SMARCC1: variants seen among roughly 807,000 people sequenced by gnomAD.
The protein encoded by SMARCC1 is SWI/SNF related BAF chromatin remodeling complex subunit C1, also known as SWI/SNF complex subunit SMARCC1.
SMARCC1 carries 43 observed loss-of-function variants against 147.4 expected under a neutral mutation model. The ratio of observed to expected loss-of-function variants is 0.29; its 90% CI spans 0.23 to 0.38. The LOEUF (loss-of-function observed/expected upper bound fraction) is 0.38. SMARCC1 is among the 10% of genes least tolerant of loss of function. SMARCC1 has a pLI of 1.00. For missense variants in SMARCC1, 1,119 were observed against 1,381.1 expected (o/e 0.81, Z 3.01); for synonymous variants, 495 against 484.4 (o/e 1.02, Z -0.29).
chr3:47,659,795 C>A, intron 21 of SMARCC1, among the ~76,000 whole-genome samples: 1 of 137,324 alleles, frequency 7.3e-6, no homozygotes, highest in Non-Finnish European at 1.5e-5. Context: ...AGGTATTTCC[C>A]AAGGCAGACA....
intron 11 of SMARCC1, among the ~76,000 whole-genome samples, chr3:47,699,713 T>C (rs2033895537): frequency 6.6e-6 from 1 of 152,160 alleles, no homozygotes; most frequent in African/African-American, 2.4e-5. Context: ...TATCAATTGC[T>C]CTGTGTTTAG....
intron 21 of SMARCC1, among the ~76,000 whole-genome samples, chr3:47,649,073 C>G (rs2033155112): frequency 6.6e-6 from 1 of 152,152 alleles, no homozygotes; most frequent in African/African-American, 2.4e-5. Context: ...ATGAGCTATT[C>G]AGAAGTTTGA....
rs1486802453 is a variant in SMARCC1, at chr3:47,775,450, G to A, written c.196-2514C>T. On this transcript the variant is annotated intron_variant, in intron 1 of 27. Coordinates refer to ENST00000254480, the MANE Select transcript of SMARCC1 (RefSeq NM_003074.4). ...GCTGGGATTACAGGTGTGAGCCACC[G>A]CGCCCAGCCCCGTAAATTTTTAATA... is the stretch of plus-strand genomic sequence containing the variant. Among the ~76,000 whole-genome samples, 4 of 145,666 alleles carry A rather than the reference G, an allele frequency of 2.7e-5. No individual in the cohort carries two copies. In the East Asian group the frequency reaches 6.6e-4, roughly 24 times the overall value.
At chr3:47,653,940 T>G (rs572247539) in intron 21 of SMARCC1, among the ~76,000 whole-genome samples, 23 of 152,304 alleles carry the variant, frequency 1.5e-4, no homozygotes, top group African/African-American at 5.1e-4. Flanking sequence ...AACCTCTGCA[T>G]GCTCCACAAA....
intron 21 of SMARCC1, among the ~76,000 whole-genome samples, chr3:47,656,836 C>T (rs1377788459): frequency 6.6e-6 from 1 of 152,066 alleles, no homozygotes; most frequent in Non-Finnish European, 1.5e-5. Context: ...ATCACTTGAG[C>T]CCAGGAGGTG....
At chr3:47,721,414 T>C (rs944317601) in intron 6 of SMARCC1, among the ~76,000 whole-genome samples, 8 of 152,184 alleles carry the variant, frequency 5.3e-5, no homozygotes, top group African/African-American at 1.9e-4. Flanking sequence ...AGTATTCTAA[T>C]CACAGTTAAA....
chr3:47,701,629 C>T (rs1467946177), intron 10 of SMARCC1: 1 of 455,184 alleles, frequency 2.2e-6, no homozygotes, highest in East Asian at 4.5e-5. Context: ...GCCTGACCAA[C>T]ATAGCGAATC....
At chr3:47,757,762 C>T (rs143779799) in intron 2 of SMARCC1, among the ~76,000 whole-genome samples, 1,502 of 140,330 alleles carry the variant, frequency 0.011, 23 homozygotes, top group African/African-American at 0.038. Context: ...CCAGCCTGGG[C>T]GACAAAGCGA....
At chr3:47,649,997 C>T (rs969647871) in intron 21 of SMARCC1, among the ~76,000 whole-genome samples, 17 of 152,306 alleles carry the variant, frequency 1.1e-4, no homozygotes, top group Admixed American at 1.1e-3. Flanking sequence ...ATAATTCAGG[C>T]CGGGCTTGGT....
chr3:47,646,591 T>C (rs910264546), intron 21 of SMARCC1, among the ~76,000 whole-genome samples: 1 of 152,238 alleles, frequency 6.6e-6, no homozygotes, highest in South Asian at 2.1e-4. Flanking sequence ...GAGAGGCATA[T>C]TGGAGAAGAG....
intron 2 of SMARCC1, among the ~76,000 whole-genome samples, chr3:47,747,370 A>C (rs998588158): frequency 1.0e-4 from 15 of 150,610 alleles, no homozygotes; most frequent in African/African-American, 3.4e-4. Flanking sequence ...CTAGGAGGCA[A>C]AGGTTGCAGT....
intron 16 of SMARCC1, among the ~76,000 whole-genome samples, chr3:47,677,402 T>A (rs1018354674): frequency 4.0e-5 from 1 of 24,694 alleles, no homozygotes; most frequent in Non-Finnish European, 1.5e-4. Flanking sequence ...TGCCTGGCCG[T>A]TTTTTTTTTT....
intron 26 of SMARCC1, among the ~76,000 whole-genome samples, chr3:47,606,397 G>C (rs973030648): frequency 6.6e-6 from 1 of 152,266 alleles, no homozygotes; most frequent in East Asian, 1.9e-4. Flanking sequence ...AAAGCTATGC[G>C]GCCTTGCCAT....
At chr3:47,680,371 T>C (rs2033627891) in intron 15 of SMARCC1, 66 bp downstream of exon 15, 1 of 1,048,210 alleles carries the variant, frequency 9.5e-7, no homozygotes, top group Non-Finnish European at 1.5e-6. Context: ...GGAACTCAGG[T>C]GGATGCTTGA....
chr3:47,729,464 C>A (rs904199811), intron 5 of SMARCC1, among the ~76,000 whole-genome samples: 1 of 152,112 alleles, frequency 6.6e-6, no homozygotes, highest in African/African-American at 2.4e-5. Context: ...CTCACTGCAA[C>A]CTCCTCCGTC....
At chr3:47,768,938 G>A (rs111646453) in intron 2 of SMARCC1, among the ~76,000 whole-genome samples, 11 of 152,078 alleles carry the variant, frequency 7.2e-5, no homozygotes, top group African/African-American at 1.4e-4. Context: ...AGCTGGGAGC[G>A]GTGGCTCACA....
intron 9 of SMARCC1, among the ~76,000 whole-genome samples, chr3:47,708,391 C>T (rs1429113101): frequency 6.6e-6 from 1 of 151,878 alleles, no homozygotes; most frequent in Admixed American, 6.6e-5. Flanking sequence ...TCCACCTACC[C>T]TGGCCTCCCA....
intron 15 of SMARCC1, among the ~76,000 whole-genome samples, chr3:47,678,977 A>C (rs138782021): frequency 2.6e-5 from 4 of 152,210 alleles, no homozygotes; most frequent in Non-Finnish European, 5.9e-5. Flanking sequence ...CGGCGGGGCA[A>C]TAAGTAGAAT....
chr3:47,637,861 G>A (rs1442451639), intron 22 of SMARCC1, among the ~76,000 whole-genome samples: 1 of 152,118 alleles, frequency 6.6e-6, no homozygotes, highest in Non-Finnish European at 1.5e-5. Context: ...ACTGGCTTTA[G>A]TGTCTCTCCT....
Sources: gnomAD v4.1 joint callset for allele counts (sites outside exome capture counted in the v4.1 genomes callset) on GRCh38, gnomAD v4.1.1 for gene constraint, MANE v1.5 for transcripts, NCBI Gene and HGNC (gene_info 2026-07-23, HGNC 2026-07-21) for gene names.